ATOSA: variants seen among roughly 807,000 people sequenced by gnomAD.
ATOSA encodes atos homolog protein A.
At chr15:52,623,439 G>T in the ATOSA span, among the ~76,000 whole-genome samples, 1 of 152,014 alleles carries the variant, frequency 6.6e-6, no homozygotes, top group East Asian at 1.9e-4. Flanking sequence ...CACGCATTTG[G>T]ATAGTATTTA....
the ATOSA span, among the ~76,000 whole-genome samples, chr15:52,611,423 C>T: frequency 6.6e-6 from 1 of 152,194 alleles, no homozygotes; most frequent in Non-Finnish European, 1.5e-5. Flanking sequence ...AATGCAAGTA[C>T]TATATTTACT....
the ATOSA span, among the ~76,000 whole-genome samples, chr15:52,654,570 C>T: frequency 6.6e-6 from 1 of 152,118 alleles, no homozygotes; most frequent in East Asian, 1.9e-4. Flanking sequence ...AACCTCCTTC[C>T]CCTGCTCCTC....
chr15:52,600,981 T>C, the ATOSA span: 2 of 739,856 alleles, frequency 2.7e-6, no homozygotes, highest in Admixed American at 5.8e-5. Flanking sequence ...CTAAATAAGA[T>C]TCCTGTTACA....
the ATOSA span, among the ~76,000 whole-genome samples, chr15:52,612,608 G>A: frequency 8.0e-5 from 12 of 149,418 alleles, no homozygotes; most frequent in South Asian, 1.1e-3. Flanking sequence ...GGGTTCAAGC[G>A]AATCTCCTGC....
chr15:52,628,975 T>C, the ATOSA span, among the ~76,000 whole-genome samples: 1 of 152,210 alleles, frequency 6.6e-6, no homozygotes, highest in African/African-American at 2.4e-5. Context: ...TGAAGGGCCA[T>C]TCTCTTCCCA....
At chr15:52,698,442 T>C in the ATOSA span, among the ~76,000 whole-genome samples, 10 of 152,246 alleles carry the variant, frequency 6.6e-5, no homozygotes, top group Admixed American at 3.9e-4. Context: ...CTCTCATTTG[T>C]ACATTATATT....
chr15:52,707,751 A>T, the ATOSA span, among the ~76,000 whole-genome samples: 1 of 152,220 alleles, frequency 6.6e-6, no homozygotes, highest in Non-Finnish European at 1.5e-5. Flanking sequence ...ATACTCCCGA[A>T]TGATTCAGAA....
the ATOSA span, chr15:52,678,330 A>C: frequency 1.9e-6 from 1 of 532,130 alleles, no homozygotes; most frequent in East Asian, 3.1e-5. Context: ...CTCCAGGCCA[A>C]TGTGTCCTTC....
At chr15:52,610,214 C>T in the ATOSA span, 30 of 1,613,880 alleles carry the variant, frequency 1.9e-5, no homozygotes, top group Admixed American at 3.5e-4. Context: ...TCATAAAGGC[C>T]AATATTAGTG....
the ATOSA span, among the ~76,000 whole-genome samples, chr15:52,635,623 G>T: frequency 6.6e-6 from 1 of 152,132 alleles, no homozygotes; most frequent in African/African-American, 2.4e-5. Flanking sequence ...TTGAGCCTGA[G>T]AGTTTGAGGC....
chr15:52,593,611 A>T, the ATOSA span: 1 of 1,574,016 alleles, frequency 6.4e-7, no homozygotes, highest in Non-Finnish European at 8.6e-7. Flanking sequence ...CATCTGAAAC[A>T]CTGTAGAATG....
the ATOSA span, chr15:52,609,601 T>G: frequency 1.2e-6 from 2 of 1,613,024 alleles, no homozygotes; most frequent in East Asian, 4.5e-5. Flanking sequence ...ATTGGTGTCT[T>G]CTGGGGAACT....
chr15:52,626,858 T>C, the ATOSA span, among the ~76,000 whole-genome samples: 3 of 152,310 alleles, frequency 2.0e-5, no homozygotes, highest in Non-Finnish European at 2.9e-5. Context: ...ATTTGTCAGT[T>C]TACTGTCAAG....
chr15:52,611,821 T>C, the ATOSA span: 1 of 1,564,278 alleles, frequency 6.4e-7, no homozygotes, highest in Non-Finnish European at 8.8e-7. Context: ...AAAACCCACC[T>C]AATTTTGTGT....
At chr15:52,599,837 A>G in the ATOSA span, among the ~76,000 whole-genome samples, 1,570 of 152,256 alleles carry the variant, frequency 0.01, 26 homozygotes, top group African/African-American at 0.037. Context: ...TTTACCAAGT[A>G]AGAAGATGTG....
the ATOSA span, chr15:52,610,195 A>G: frequency 6.2e-7 from 1 of 1,613,914 alleles, no homozygotes; most frequent in Non-Finnish European, 8.5e-7. Flanking sequence ...ATGTTGTTGA[A>G]TTCTTTTCTC....
chr15:52,588,343 G>C, the ATOSA span, among the ~76,000 whole-genome samples: 1 of 152,172 alleles, frequency 6.6e-6, no homozygotes, highest in South Asian at 2.1e-4. Flanking sequence ...AACAAGGTAA[G>C]TTCAAATTGA....
the ATOSA span, chr15:52,614,002 C>T: frequency 1.3e-6 from 1 of 766,764 alleles, no homozygotes; most frequent in Non-Finnish European, 2.2e-6. Context: ...TCAAAATATA[C>T]TAAACTTTTG....
chr15:52,605,255 A>T, the ATOSA span: 1 of 1,549,768 alleles, frequency 6.5e-7, no homozygotes, highest in Non-Finnish European at 8.7e-7. Flanking sequence ...CTCTGTTAGG[A>T]AAATAATTAG....
Sources: gnomAD v4.1 joint callset for allele counts (sites outside exome capture counted in the v4.1 genomes callset) on GRCh38, gnomAD v4.1.1 for gene constraint, MANE v1.5 for transcripts, NCBI Gene and HGNC (gene_info 2026-07-23, HGNC 2026-07-21) for gene names.